MITF: variants seen among roughly 807,000 people sequenced by gnomAD.
MITF encodes microphthalmia-associated transcription factor.
Under a neutral mutation model 60.5 loss-of-function variants are expected in MITF, and 17 were observed. The observed-to-expected ratio is 0.28, with a 90% CI of 0.19 to 0.42. The LOEUF is 0.42. Ranked by LOEUF, MITF falls within the 10% of genes least tolerant of loss-of-function variation. The pLI is 1.00. For synonymous variants in MITF, 260 were observed against 248.5 expected (o/e 1.05, Z -0.43); for missense variants, 622 against 683.5 (o/e 0.91, Z 1.00).
chr3:69,935,815 T>C (rs2065820353), intron 2 of MITF, among the ~76,000 whole-genome samples: 1 of 152,202 alleles, frequency 6.6e-6, no homozygotes, highest in Non-Finnish European at 1.5e-5. Context: ...CTTTGTACAG[T>C]GTTTAGCACT....
chr3:69,963,491 T>C (rs1220408958), intron 9 of MITF, among the ~76,000 whole-genome samples: 4 of 152,146 alleles, frequency 2.6e-5, no homozygotes, highest in Non-Finnish European at 5.9e-5. Context: ...ATTTAGGTTC[T>C]AACAACTTGG....
At chr3:69,939,257 T>A in intron 4 of MITF, 76 bp downstream of exon 4, 1 of 1,340,954 alleles carries the variant, frequency 7.5e-7, no homozygotes, top group South Asian at 1.3e-5. Context: ...CACACCTTCC[T>A]GAAAACTTAA....
At chr3:69,764,218 A>G (rs1220746445) in intron 1 of MITF, among the ~76,000 whole-genome samples, 1 of 152,216 alleles carries the variant, frequency 6.6e-6, no homozygotes, top group Admixed American at 6.5e-5. Flanking sequence ...AAGCTGTAGA[A>G]GTGATTCACT....
At chr3:69,910,589 A>G (rs1459606259) in intron 2 of MITF, among the ~76,000 whole-genome samples, 1 of 152,198 alleles carries the variant, frequency 6.6e-6, no homozygotes, top group Non-Finnish European at 1.5e-5. Context: ...GCTGCCCAAG[A>G]CCATAGGAAC....
At chr3:69,856,799 A>G (rs537233908) in intron 1 of MITF, among the ~76,000 whole-genome samples, 2 of 151,706 alleles carry the variant, frequency 1.3e-5, no homozygotes, top group South Asian at 4.2e-4. Context: ...GTAATCTCAT[A>G]TTTTCTTAGT....
At chr3:69,862,603 G>T (rs151265270) in intron 1 of MITF, among the ~76,000 whole-genome samples, 1 of 152,334 alleles carries the variant, frequency 6.6e-6, no homozygotes, top group African/African-American at 2.4e-5. Flanking sequence ...GTCTTGGACA[G>T]GATAACAAGT....
intron 2 of MITF, among the ~76,000 whole-genome samples, chr3:69,922,373 C>T (rs1038052547): frequency 1.3e-5 from 2 of 152,154 alleles, no homozygotes; most frequent in African/African-American, 2.4e-5. Context: ...AGGCATATGC[C>T]ACCACACCCA....
At chr3:69,933,068 A>G (rs935773224) in intron 2 of MITF, among the ~76,000 whole-genome samples, 8 of 152,076 alleles carry the variant, frequency 5.3e-5, no homozygotes, top group Admixed American at 3.9e-4. Context: ...TGTCATAGCT[A>G]CTCAGGAGGC....
At chr3:69,824,629 G>T (rs1278975682) in intron 1 of MITF, among the ~76,000 whole-genome samples, 1 of 152,188 alleles carries the variant, frequency 6.6e-6, no homozygotes. Context: ...GGCTCTTGCA[G>T]CACCGGAGAC....
intron 1 of MITF, among the ~76,000 whole-genome samples, chr3:69,834,091 G>A (rs1167880600): frequency 2.0e-5 from 3 of 152,228 alleles, no homozygotes; most frequent in African/African-American, 7.2e-5. Flanking sequence ...TGACACGTGT[G>A]TGTTGCATAA....
chr3:69,831,985 G>A (rs78094954), intron 1 of MITF, among the ~76,000 whole-genome samples: 23,315 of 152,122 alleles, frequency 0.15, 2,086 homozygotes, highest in Non-Finnish European at 0.21. Context: ...TCCCGGAGCC[G>A]GTGCCCCAAT....
intron 5 of MITF, among the ~76,000 whole-genome samples, chr3:69,942,739 C>A (rs1456147077): frequency 6.6e-6 from 1 of 152,102 alleles, no homozygotes; most frequent in Non-Finnish European, 1.5e-5. Flanking sequence ...TCCTATGAGG[C>A]CAAACTACAC....
In MITF at chr3:69,932,364, C is replaced by G. The variant is rs146998589; in HGVS notation, c.355-5458C>G. On this transcript the variant is annotated intron_variant, in intron 2 of 9. Transcript: ENST00000352241. Reference sequence around the variant, plus strand: ...TGAATTTTATATAATTTTCATGTGTCATGAAATATTCTTCTTTTCATTTTT... The same window carrying G: ...TGAATTTTATATAATTTTCATGTGTGATGAAATATTCTTCTTTTCATTTTT... Among the ~76,000 whole-genome samples the G allele has an allele frequency of 7.9e-5, 12 of 152,232 alleles. No homozygotes were observed. The East Asian group carries it at 2.3e-3, about 29-fold the overall frequency.
At chr3:69,739,834 G>A in intron 1 of MITF, 133 bp downstream of exon 1, 1 of 679,444 alleles carries the variant, frequency 1.5e-6, no homozygotes, top group Non-Finnish European at 2.6e-6. Context: ...AGCAGAGGGC[G>A]AACTGCCCCT....
chr3:69,787,135 G>A (rs752508609), intron 1 of MITF, among the ~76,000 whole-genome samples: 6 of 152,128 alleles, frequency 3.9e-5, no homozygotes, highest in African/African-American at 7.2e-5. Flanking sequence ...AGCTCAAACC[G>A]TTCTTATTGG....
At chr3:69,805,111 G>T (rs2062984469) in intron 1 of MITF, among the ~76,000 whole-genome samples, 2 of 152,156 alleles carry the variant, frequency 1.3e-5, no homozygotes, top group South Asian at 4.1e-4. Context: ...ACATAATTTT[G>T]CCTTGTAACT....
At chr3:69,876,383 T>C (rs1482518458) in intron 1 of MITF, among the ~76,000 whole-genome samples, 1 of 152,172 alleles carries the variant, frequency 6.6e-6, no homozygotes, top group Admixed American at 6.5e-5. Flanking sequence ...GCTTATTTAT[T>C]TATTTATTTT....
rs2066685952 is a variant in MITF, at chr3:69,966,174, A to G, written c.*926A>G. Reference sequence around the variant, plus strand: ...ATGTTTTACTGTTCATTTGATTTGTACAGATTCTTTATTATCATTGTTCTT... The same window carrying G: ...ATGTTTTACTGTTCATTTGATTTGTGCAGATTCTTTATTATCATTGTTCTT... On this transcript the variant is annotated 3_prime_UTR_variant, in exon 10 of 10. Coordinates refer to ENST00000352241, the MANE Select transcript of MITF (RefSeq NM_001354604.2). 4.3e-6 allele frequency: 1 copy of G among 232,504 alleles called. No homozygotes were observed. The highest frequency in any genetic ancestry group is 5.6e-5 in the Admixed American group (1 of 17,736). 14.4% of individuals were successfully genotyped at this position (232,504 alleles called of 1,614,324 possible).
chr3:69,832,667 T>G (rs2063469008), intron 1 of MITF, among the ~76,000 whole-genome samples: 1 of 147,706 alleles, frequency 6.8e-6, no homozygotes, highest in Non-Finnish European at 1.5e-5. Context: ...TGTGTGGTTG[T>G]TTGTCTAGTT....
Sources: allele counts gnomAD v4.1 joint callset (sites outside exome capture counted in the v4.1 genomes callset), GRCh38; gene constraint gnomAD v4.1.1; transcripts MANE v1.5; gene names NCBI Gene and HGNC (gene_info 2026-07-23, HGNC 2026-07-21).